The following KCNIP4 variants were observed in gnomAD, a reference collection of about 807,000 sequenced individuals.
KCNIP4 encodes the protein Kv channel-interacting protein 4.
KCNIP4 carries 12 observed loss-of-function variants against 34.0 expected under a neutral mutation model. The observed-to-expected ratio is 0.35, with a 90% CI of 0.23 to 0.57. The LOEUF (loss-of-function observed/expected upper bound fraction) is 0.57, where lower values mean the gene tolerates loss of function less well. Ranked by LOEUF, KCNIP4 falls within the 20% of genes least tolerant of loss-of-function variation. KCNIP4 has a pLI of 0.83. For synonymous variants in KCNIP4, 124 were observed against 102.2 expected, an observed-to-expected ratio of 1.21 and a Z score of -1.29; for missense variants, 238 against 311.7, an observed-to-expected ratio of 0.76 and a Z score of 1.78.
intron 1 of KCNIP4, among the ~76,000 whole-genome samples, chr4:21,397,356 AT>A (rs768514992): frequency 2.2e-4 from 33 of 152,258 alleles, no homozygotes; most frequent in African/African-American, 7.5e-4. Context: ...TGGTATTAAT[AT>A]TTTTTTCCAT....
At chr4:21,791,945 T>C (rs1448430727) in intron 1 of KCNIP4, among the ~76,000 whole-genome samples, 1 of 135,416 alleles carries the variant, frequency 7.4e-6, no homozygotes, top group Non-Finnish European at 1.5e-5. Flanking sequence ...GAGGTTGCAG[T>C]GAGCCGAGAT....
chr4:20,731,915 T>C, intron 8 of KCNIP4, 91 bp downstream of exon 8: 3 of 1,553,050 alleles, frequency 1.9e-6, no homozygotes, highest in Non-Finnish European at 2.6e-6. Flanking sequence ...ATGATCTCTA[T>C]ATTTCGCCCA....
chr4:21,541,180 C>CA lies in KCNIP4; in HGVS notation c.61+407390dup, dbSNP rs60459395. Among the ~76,000 whole-genome samples, 1,030 of 107,476 alleles carry CA rather than the reference C, an allele frequency of 9.6e-3. 11 individuals are homozygous for CA. The highest frequency in any genetic ancestry group is 0.012 in the African/African-American group (359 of 29,520). 70.5% of individuals were successfully genotyped at this position (107,476 alleles called of 152,430 possible). A position where few individuals can be genotyped will look rare whatever the true frequency, so the allele number is the denominator to read the frequency against. ...AGTGAGACTCCATCACAAAAGAAAACAAAAAAAAAAAAAAAAAGAGAGAGA... is the reference window on the plus strand; with the variant it reads ...AGTGAGACTCCATCACAAAAGAAAACAAAAAAAAAAAAAAAAAAGAGAGAGA... On this transcript the variant is annotated intron_variant, in intron 1 of 8. Coordinates refer to ENST00000382152, the MANE Select transcript of KCNIP4 (RefSeq NM_025221.6).
chr4:20,832,468 C>T (rs926077222), intron 3 of KCNIP4, among the ~76,000 whole-genome samples: 14 of 152,054 alleles, frequency 9.2e-5, no homozygotes, highest in African/African-American at 3.4e-4. Flanking sequence ...ACAGCAATTC[C>T]CTTGGCCTAA....
chr4:21,678,861 G>A (rs1373333204), intron 1 of KCNIP4, among the ~76,000 whole-genome samples: 4 of 152,086 alleles, frequency 2.6e-5, no homozygotes, highest in Non-Finnish European at 4.4e-5. Flanking sequence ...CAGTACCTCG[G>A]AACGTGACTG....
chr4:21,828,020 A>G (rs978651278), intron 1 of KCNIP4, among the ~76,000 whole-genome samples: 205 of 149,934 alleles, frequency 1.4e-3, no homozygotes, highest in Middle Eastern at 3.4e-3. Context: ...AGTCATGTAA[A>G]AAAAAAAAAA....
chr4:21,146,915 A>G (rs1752397856), intron 1 of KCNIP4, among the ~76,000 whole-genome samples: 1 of 152,164 alleles, frequency 6.6e-6, no homozygotes, highest in Non-Finnish European at 1.5e-5. Flanking sequence ...ATCGCTGTAT[A>G]TACATATTTA....
intron 1 of KCNIP4, among the ~76,000 whole-genome samples, chr4:20,999,448 T>C (rs1180912605): frequency 7.7e-6 from 1 of 130,136 alleles, no homozygotes; most frequent in Non-Finnish European, 1.6e-5. Context: ...GTTTTTTTTT[T>C]TTTTTTTTAT....
intron 1 of KCNIP4, among the ~76,000 whole-genome samples, chr4:21,395,165 T>A (rs1190760503): frequency 6.6e-6 from 1 of 152,146 alleles, no homozygotes; most frequent in Non-Finnish European, 1.5e-5. Context: ...ACTTCTCTCA[T>A]CTGAGCAGAA....
At chr4:21,101,336 T>C (rs1224894082) in intron 1 of KCNIP4, among the ~76,000 whole-genome samples, 1 of 151,978 alleles carries the variant, frequency 6.6e-6, no homozygotes, top group Non-Finnish European at 1.5e-5. Context: ...ATATAAATTT[T>C]ATATATATAT....
At chr4:21,323,415 G>A (rs185867430) in intron 1 of KCNIP4, among the ~76,000 whole-genome samples, 1 of 151,936 alleles carries the variant, frequency 6.6e-6, no homozygotes, top group East Asian at 1.9e-4. Flanking sequence ...CCCAGCCCCA[G>A]TACCCTTCTT....
At chr4:21,675,385 C>T (rs1045066545) in intron 1 of KCNIP4, among the ~76,000 whole-genome samples, 1 of 151,888 alleles carries the variant, frequency 6.6e-6, no homozygotes, top group Non-Finnish European at 1.5e-5. Flanking sequence ...TTTGATAGCA[C>T]AATAGAGTGA....
At chr4:21,311,647 C>CCACTGCACTCCAGTCTGGTGT (rs139008600) in intron 1 of KCNIP4, among the ~76,000 whole-genome samples, 7,842 of 152,004 alleles carry the variant, frequency 0.052, 512 homozygotes, top group East Asian at 0.16. Flanking sequence ...CGAGATCATG[C>CCACTGCACTCCAGTCTGGTGT]CACTGCACTC....
chr4:21,663,989 G>C (rs1748644441), intron 1 of KCNIP4, among the ~76,000 whole-genome samples: 1 of 152,018 alleles, frequency 6.6e-6, no homozygotes, highest in African/African-American at 2.4e-5. Flanking sequence ...GTGTTGCCCA[G>C]GCTGGAGTGC....
intron 1 of KCNIP4, among the ~76,000 whole-genome samples, chr4:20,894,810 C>T (rs954749878): frequency 6.6e-6 from 1 of 152,112 alleles, no homozygotes; most frequent in Non-Finnish European, 1.5e-5. Flanking sequence ...ACAAGAAAGT[C>T]CTCTAAATTT....
intron 1 of KCNIP4, among the ~76,000 whole-genome samples, chr4:21,643,230 C>T (rs1445249222): frequency 6.6e-6 from 1 of 152,008 alleles, no homozygotes; most frequent in Non-Finnish European, 1.5e-5. Context: ...GATGTATTGA[C>T]TTTATATTAT....
intron 1 of KCNIP4, among the ~76,000 whole-genome samples, chr4:21,103,839 GT>G (rs1233589828): frequency 2.7e-5 from 4 of 149,744 alleles, no homozygotes; most frequent in Admixed American, 2.0e-4. Context: ...GCGGTGTTTG[GT>G]TTTTTGTCCT....
At chr4:21,008,099 G>A (rs562158690) in intron 1 of KCNIP4, among the ~76,000 whole-genome samples, 1 of 152,320 alleles carries the variant, frequency 6.6e-6, no homozygotes, top group South Asian at 2.1e-4. Context: ...ATACTGCTCA[G>A]AACTGAGACC....
At chr4:21,018,051 G>A (rs1441146171) in intron 1 of KCNIP4, among the ~76,000 whole-genome samples, 1 of 152,060 alleles carries the variant, frequency 6.6e-6, no homozygotes, top group Non-Finnish European at 1.5e-5. Flanking sequence ...TCATTTTCTT[G>A]TACTACATGG....
Sources: allele counts gnomAD v4.1 joint callset (sites outside exome capture counted in the v4.1 genomes callset), GRCh38; gene constraint gnomAD v4.1.1; transcripts MANE v1.5; gene names NCBI Gene and HGNC (gene_info 2026-07-23, HGNC 2026-07-21).